The following ARL13B variants were observed in gnomAD, a reference collection of about 807,000 sequenced individuals.
ARL13B encodes ARF like GTPase 13B.
A neutral mutation model predicts 56.1 loss-of-function variants in ARL13B; 36 were observed. The observed-to-expected ratio is 0.64, with a 90% confidence interval of 0.49 to 0.85. The LOEUF is 0.85. Ranked by LOEUF, ARL13B falls within the 40% of genes least tolerant of loss-of-function variation. The pLI, the probability that ARL13B is intolerant of heterozygous loss-of-function variation, is 0.00. For missense variants in ARL13B, 519 were observed against 507.1 expected, an observed-to-expected ratio of 1.02 and a Z score of -0.23; for synonymous variants, 178 against 171.1, an observed-to-expected ratio of 1.04 and a Z score of -0.32.
intron 3 of ARL13B, among the ~76,000 whole-genome samples, chr3:94,012,764 G>A (rs2076247205): frequency 6.6e-6 from 1 of 151,982 alleles, no homozygotes. Flanking sequence ...TTCCATCCTA[G>A]TCCAAGCCAC....
At chr3:94,011,139 T>G (rs2076217809) in intron 3 of ARL13B, among the ~76,000 whole-genome samples, 1 of 152,148 alleles carries the variant, frequency 6.6e-6, no homozygotes, top group African/African-American at 2.4e-5. Context: ...TATTTTGTAT[T>G]GTTTATGAAA....
chr3:94,029,349 A>C (rs10717845), intron 3 of ARL13B, among the ~76,000 whole-genome samples: 1 of 88,074 alleles, frequency 1.1e-5, no homozygotes, highest in East Asian at 3.5e-4. Context: ...TTTTTTTTTT[A>C]TTTTTTTTTT....
chr3:93,980,160 T>A lies in ARL13B; in HGVS notation c.-264T>A. Reference sequence around the variant, plus strand: ...CGTCAGCACGTCGACGCGGGGCTTTTCTTTAGCCGGGTCCCGCTAACTCGG... The same window carrying A: ...CGTCAGCACGTCGACGCGGGGCTTTACTTTAGCCGGGTCCCGCTAACTCGG... On this transcript the variant is annotated 5_prime_UTR_variant, in exon 1 of 10. Coordinates refer to ENST00000394222, the MANE Select transcript of ARL13B (RefSeq NM_001174150.2). The A allele has an allele frequency of 1.6e-6, 1 of 630,160 alleles. No individual in the cohort carries two copies. The highest frequency in any genetic ancestry group is 2.9e-6 in the Non-Finnish European group (1 of 345,904). The allele number at this position is 630,160 out of a possible 1,614,324, so 39.0% of individuals were successfully genotyped here.
At chr3:94,001,243 TAGA>T in intron 2 of ARL13B, among the ~76,000 whole-genome samples, 1 of 152,248 alleles carries the variant, frequency 6.6e-6, no homozygotes, top group South Asian at 2.1e-4. Context: ...GAGGAAAGAA[TAGA>T]AGGTGTTCCA....
Position 94,053,461 on chromosome 3 carries a change from A to C in ARL13B, c.*198A>C. The C allele has an allele frequency of 1.5e-6, 1 of 685,354 alleles. No homozygotes were observed. Among genetic ancestry groups the C allele is most frequent in the Non-Finnish European group, 2.6e-6 (1 of 378,552 alleles). 42.5% of individuals were successfully genotyped at this position (685,354 alleles called of 1,614,324 possible). On this transcript the variant is annotated 3_prime_UTR_variant, in exon 10 of 10. Transcript: ENST00000394222. Reference sequence around the variant, plus strand: ...TCATGGTTAAAAAAATAAAAGAAGCACAATGACCAGTACATGAAATCAGCA... The same window carrying C: ...TCATGGTTAAAAAAATAAAAGAAGCCCAATGACCAGTACATGAAATCAGCA...
intron 3 of ARL13B, chr3:94,028,219 C>G (rs2076598236): frequency 6.6e-6 from 1 of 152,110 alleles, no homozygotes; most frequent in Non-Finnish European, 1.5e-5. Context: ...TATATGTGAA[C>G]AAATCAGCTA....
At chr3:93,990,276 G>T (rs2075848877) in intron 1 of ARL13B, among the ~76,000 whole-genome samples, 1 of 152,084 alleles carries the variant, frequency 6.6e-6, no homozygotes, top group Admixed American at 6.6e-5. Flanking sequence ...CCAAAGTGCT[G>T]AGATTACAGG....
At position 94,035,340 on chromosome 3, in the gene ARL13B, TAAAC is replaced by T. The variant is rs1560002959; in HGVS notation, c.393_396del (p.Gln132IlefsTer6). On this transcript the variant is annotated frameshift_variant, in exon 4 of 10. Coordinates refer to ENST00000394222, the MANE Select transcript of ARL13B (RefSeq NM_001174150.2). LOFTEE classifies it high-confidence loss of function. ...TTTAATTATCTTTCAGGTTGGCAAA[TAAAC>T]AAGATAAAGAAGGAGCTTTAGGAGA... 16 of 1,607,898 alleles carry T rather than the reference TAAAC, an allele frequency of 1.0e-5. No individual in the cohort carries two copies. Among genetic ancestry groups the T allele is most frequent in the East Asian group, 4.5e-5 (2 of 44,708 alleles).
At chr3:93,984,739 G>C (rs1267750510) in intron 1 of ARL13B, among the ~76,000 whole-genome samples, 1 of 152,034 alleles carries the variant, frequency 6.6e-6, no homozygotes. Flanking sequence ...TTTGAATTCA[G>C]GCTGGGTGTG....
At chr3:93,981,701 G>T (rs928281998) in intron 1 of ARL13B, among the ~76,000 whole-genome samples, 1 of 151,710 alleles carries the variant, frequency 6.6e-6, no homozygotes, top group African/African-American at 2.4e-5. Context: ...GGTCAATATG[G>T]CGAAACCCCG....
intron 3 of ARL13B, chr3:94,015,400 A>T: frequency 1.5e-6 from 1 of 674,048 alleles, no homozygotes. Context: ...TTCTCAAATG[A>T]GGTTAAAAAG....
chr3:93,983,768 G>A (rs1375223586), intron 1 of ARL13B, among the ~76,000 whole-genome samples: 1 of 152,042 alleles, frequency 6.6e-6, no homozygotes, highest in Non-Finnish European at 1.5e-5. Context: ...ATTGGGGCAG[G>A]TGTGTTTTCT....
chr3:94,045,356 G>A (rs572860754), intron 7 of ARL13B, among the ~76,000 whole-genome samples: 3 of 151,188 alleles, frequency 2.0e-5, no homozygotes, highest in African/African-American at 4.9e-5. Context: ...CTTTGTTCAC[G>A]TGTTTATCTG....
At chr3:93,982,671 T>C (rs1710275970) in intron 1 of ARL13B, among the ~76,000 whole-genome samples, 1 of 152,230 alleles carries the variant, frequency 6.6e-6, no homozygotes, top group Non-Finnish European at 1.5e-5. Context: ...TAGCCTAATA[T>C]AAAGGACATA....
chr3:94,053,548 T>C lies in ARL13B; in HGVS notation c.*285T>C, dbSNP rs1341425377. The C allele has an allele frequency of 3.2e-5, 18 of 557,664 alleles. No individual in the cohort carries two copies. The Admixed American group carries it at 3.9e-4, about 12-fold the overall frequency. The allele number at this position is 557,664 out of a possible 1,614,324, so 34.5% of individuals were successfully genotyped here. ...GTTTATACATCCCCACTCATGAGCA[T>C]ACTTCTGAAGGAAAACTTTACAAAA... On this transcript the variant is annotated 3_prime_UTR_variant, in exon 10 of 10. Transcript: ENST00000394222.
At chr3:94,004,226 T>C (rs1243627787) in intron 3 of ARL13B, among the ~76,000 whole-genome samples, 4 of 152,182 alleles carry the variant, frequency 2.6e-5, no homozygotes, top group East Asian at 1.9e-4. Flanking sequence ...AAAATATCTT[T>C]TAATTTTTTC....
At chr3:93,985,550 T>G (rs1352846025) in intron 1 of ARL13B, among the ~76,000 whole-genome samples, 1 of 152,210 alleles carries the variant, frequency 6.6e-6, no homozygotes, top group Non-Finnish European at 1.5e-5. Flanking sequence ...ATATACATGT[T>G]ATATAACTTC....
chr3:94,020,139 T>C (rs1387492123), intron 3 of ARL13B, among the ~76,000 whole-genome samples: 1 of 152,180 alleles, frequency 6.6e-6, no homozygotes, highest in Non-Finnish European at 1.5e-5. Flanking sequence ...TGGTACCTCA[T>C]AGAGTTAATA....
At chr3:94,034,581 C>T (rs1185581409) in intron 3 of ARL13B, among the ~76,000 whole-genome samples, 1 of 151,250 alleles carries the variant, frequency 6.6e-6, no homozygotes, top group East Asian at 1.9e-4. Context: ...GTAAATTGCA[C>T]ATTTATGTGG....
Sources: gnomAD v4.1 joint callset for allele counts (sites outside exome capture counted in the v4.1 genomes callset) on GRCh38, gnomAD v4.1.1 for gene constraint, MANE v1.5 for transcripts, NCBI Gene and HGNC (gene_info 2026-07-23, HGNC 2026-07-21) for gene names.